The following SSUH2 variants were observed in gnomAD, a reference collection of about 807,000 sequenced individuals.
The protein encoded by SSUH2 is ssu-2 homolog, also known as protein SSUH2 homolog.
A neutral mutation model predicts 55.3 loss-of-function variants in SSUH2; 47 were observed. The observed-to-expected ratio is 0.85, with a 90% CI of 0.67 to 1.08. The LOEUF is 1.08. SSUH2 is among the 50% of genes least tolerant of loss of function. SSUH2 has a pLI of 0.00. For synonymous variants in SSUH2, 212 were observed against 191.5 expected (o/e 1.11, Z -0.89); for missense variants, 535 against 490.7 (o/e 1.09, Z -0.85).
chr3:8,676,524 C>G (rs1348566951), intron 3 of SSUH2, among the ~76,000 whole-genome samples: 1 of 150,940 alleles, frequency 6.6e-6, no homozygotes, highest in East Asian at 2.0e-4. Context: ...CCATCTCACA[C>G]GGGGGTGAAT....
chr3:8,639,042 G>C (rs1700396866), intron 1 of SSUH2, among the ~76,000 whole-genome samples: 1 of 152,206 alleles, frequency 6.6e-6, no homozygotes, highest in Non-Finnish European at 1.5e-5. Flanking sequence ...GTTCATCAGA[G>C]CTAAATTAAT....
chr3:8,680,383 C>T (rs531589306), intron 1 of SSUH2, among the ~76,000 whole-genome samples: 1 of 152,058 alleles, frequency 6.6e-6, no homozygotes, highest in Non-Finnish European at 1.5e-5. Context: ...TGAGTCATAT[C>T]CTCTCGCTCT....
At chr3:8,632,703 A>G (rs1699034756) in intron 4 of SSUH2, among the ~76,000 whole-genome samples, 1 of 152,236 alleles carries the variant, frequency 6.6e-6, no homozygotes. Flanking sequence ...CTGGATGAGC[A>G]GCACTAGAAA....
upstream of SSUH2, among the ~76,000 whole-genome samples, chr3:8,649,190 A>G (rs1482238517): frequency 1.3e-5 from 2 of 152,070 alleles, no homozygotes; most frequent in Admixed American, 6.5e-5. Flanking sequence ...CCCACACACA[A>G]AGGTCCTCCT....
intron 7 of SSUH2, among the ~76,000 whole-genome samples, chr3:8,650,628 T>A (rs1356824129): frequency 1.3e-5 from 2 of 152,192 alleles, no homozygotes; most frequent in Non-Finnish European, 2.9e-5. Flanking sequence ...AAAACAGGGA[T>A]CCAGTCTGAG....
At chr3:8,655,151 T>A (rs79944063) in intron 7 of SSUH2, among the ~76,000 whole-genome samples, 1 of 15,904 alleles carries the variant, frequency 6.3e-5, no homozygotes, top group African/African-American at 1.2e-4. Context: ...GGGTGGCCTC[T>A]TCCCCCGGGT....
chr3:8,634,444 T>G lies in SSUH2; in HGVS notation c.210-649A>C, dbSNP rs754315093. On this transcript the variant is annotated intron_variant, in intron 3 of 11. Transcript: ENST00000544814. ...ACCTCCAAGAGGAAAGAATCCTCCT[T>G]CCTCCCCTTGCATCTTCATGCATTT... 5.4e-6 allele frequency: 7 copies of G among 1,289,950 alleles called. No homozygotes were observed. In the Admixed American group the frequency reaches 1.6e-4, roughly 30 times the overall value. 79.9% of individuals were successfully genotyped at this position (1,289,950 alleles called of 1,614,324 possible). A position where few individuals can be genotyped will look rare whatever the true frequency, so the allele number is the denominator to read the frequency against.
chr3:8,629,535 G>T, intron 7 of SSUH2, 129 bp downstream of exon 7: 1 of 748,484 alleles, frequency 1.3e-6, no homozygotes, highest in Non-Finnish European at 2.3e-6. Flanking sequence ...GCCCAGAAAG[G>T]GAGGATGACT....
intron 5 of SSUH2, among the ~76,000 whole-genome samples, chr3:8,668,950 GAGGGAGGGAGGGAAGGAA>G (rs1704253747): frequency 6.7e-6 from 1 of 148,452 alleles, no homozygotes; most frequent in Non-Finnish European, 1.5e-5. Flanking sequence ...AAGAGAGTGG[GAGGGAGGGAGGGAAGGAA>G]AGGGAGGAAG....
At position 8,681,675 on chromosome 3, in the gene SSUH2, C is replaced by A. The variant is rs1003046808; in HGVS notation, c.-1046+216G>T. On this transcript the variant is annotated intron_variant, in intron 1 of 18. Transcript: ENST00000317371. ...GTGCGATGGGGACTGAAAGTCAGCC[C>A]CTCTTCCCCCCGGCTCTTAGGACCC... 3.5e-4 allele frequency among the ~76,000 whole-genome samples: 53 copies of A among 151,184 alleles called. 2 individuals are homozygous for A. Among genetic ancestry groups the A allele is most frequent in the Middle Eastern group, 3.4e-3 (1 of 290 alleles).
At position 8,625,639 on chromosome 3, in the gene SSUH2, C is replaced by G. The variant is rs59315778; in HGVS notation, c.776G>C (p.Ser259Thr). ...FIQLVIMWKN[S>T]LFEFVSEHRL... ...GTGCTCAGACACAAACTCAAACAAG[C>G]TGTTCTTCCTGGAGGGAAGGAGGAT... The change falls in exon 10 of 12, where the codon AGC (serine) becomes ACC (threonine). Residue 259 changes from serine (S) to threonine (T), a missense_variant. Physicochemically the swap from Ser to Thr is moderately conservative, Grantham distance 58. Coordinates refer to ENST00000544814, the MANE Select transcript of SSUH2 (RefSeq NM_001256748.3). The G allele has an allele frequency of 6.2e-7, 1 of 1,612,448 alleles. No individual in the cohort carries two copies. The highest frequency in any genetic ancestry group is 1.7e-5 in the Admixed American group (1 of 60,004).
intron 1 of SSUH2, among the ~76,000 whole-genome samples, chr3:8,636,706 G>A (rs905340609): frequency 2.6e-5 from 4 of 152,014 alleles, no homozygotes; most frequent in African/African-American, 4.8e-5. Context: ...CTTCACAAAC[G>A]TCAGACCTGC....
At chr3:8,653,797 T>C (rs957586424) in intron 7 of SSUH2, among the ~76,000 whole-genome samples, 17 of 152,194 alleles carry the variant, frequency 1.1e-4, no homozygotes, top group Non-Finnish European at 1.5e-5. Flanking sequence ...ACAAAGTAAA[T>C]GTACCCGTGT....
rs55677532 is a variant in SSUH2 at position 8,628,634 on chromosome 3, A to C, written c.589-851T>G. 5.4e-3 allele frequency among the ~76,000 whole-genome samples: 819 copies of C among 152,314 alleles called. 8 individuals are homozygous for C. The highest frequency in any genetic ancestry group is 0.019 in the African/African-American group (775 of 41,572). ...GAAGCCCATGTGAAGACAAAAAGACATGCAGGGAGAAGGCTGGGTGACAAG... is the reference window on the plus strand; with the variant it reads ...GAAGCCCATGTGAAGACAAAAAGACCTGCAGGGAGAAGGCTGGGTGACAAG... On this transcript the variant is annotated intron_variant, in intron 7 of 11. Transcript: ENST00000544814.
intron 7 of SSUH2, among the ~76,000 whole-genome samples, chr3:8,656,867 GTTT>G (rs1702986596): frequency 9.1e-6 from 1 of 110,060 alleles, no homozygotes; most frequent in South Asian, 3.2e-4. Flanking sequence ...TTTTTGGTTT[GTTT>G]GTTTGTTTGT....
chr3:8,665,372 T>C (rs1356083287), intron 5 of SSUH2, among the ~76,000 whole-genome samples: 1 of 152,138 alleles, frequency 6.6e-6, no homozygotes, highest in Non-Finnish European at 1.5e-5. Context: ...TTTTCGCAGA[T>C]CAGCCAAAGA....
At chr3:8,628,709 C>T (rs544662930) in intron 7 of SSUH2, among the ~76,000 whole-genome samples, 309 of 152,328 alleles carry the variant, frequency 2.0e-3, no homozygotes, top group Non-Finnish European at 3.7e-3. Context: ...ACACCAAGGA[C>T]GGCCCGCAGC....
chr3:8,633,623 C>T (rs1699316460), intron 4 of SSUH2, 43 bp downstream of exon 4: 2 of 1,468,132 alleles, frequency 1.4e-6, no homozygotes, highest in South Asian at 1.4e-5. Flanking sequence ...CCCCAGCTCC[C>T]CAGCCCCCCG....
intron 7 of SSUH2, among the ~76,000 whole-genome samples, chr3:8,658,594 G>A (rs1344323781): frequency 3.9e-5 from 6 of 152,318 alleles, no homozygotes; most frequent in South Asian, 4.1e-4. Flanking sequence ...TTACACACTC[G>A]TTGGCCTGGC....
Sources: allele counts gnomAD v4.1 joint callset (sites outside exome capture counted in the v4.1 genomes callset), GRCh38; gene constraint gnomAD v4.1.1; transcripts MANE v1.5; gene names NCBI Gene and HGNC (gene_info 2026-07-23, HGNC 2026-07-21).